The following SNAP25 variants were observed in gnomAD, a reference collection of about 807,000 sequenced individuals.
SNAP25 encodes synaptosome associated protein 25.
SNAP25 carries 3 observed loss-of-function variants against 28.7 expected under a neutral mutation model. The ratio of observed to expected loss-of-function variants is 0.10; its 90% CI spans 0.05 to 0.27. The LOEUF (loss-of-function observed/expected upper bound fraction) is 0.27. SNAP25 is among the 10% of genes least tolerant of loss of function. The pLI, the probability that SNAP25 is intolerant of heterozygous loss-of-function variation, is 1.00. For synonymous variants in SNAP25, 61 were observed against 88.1 expected (o/e 0.69, Z 1.72); for missense variants, 117 against 278.7 (o/e 0.42, Z 4.13).
At chr20:10,237,105 G>C (rs1361475723) in intron 1 of SNAP25, among the ~76,000 whole-genome samples, 1 of 152,088 alleles carries the variant, frequency 6.6e-6, no homozygotes, top group Non-Finnish European at 1.5e-5. Flanking sequence ...GTGATCCTAG[G>C]AAGCGCTGAT....
At chr20:10,234,873 GTAAAA>G (rs2062889629) in intron 1 of SNAP25, among the ~76,000 whole-genome samples, 1 of 152,130 alleles carries the variant, frequency 6.6e-6, no homozygotes, top group Admixed American at 6.5e-5. Context: ...TTTTTAATGT[GTAAAA>G]TAAAATAACA....
At chr20:10,251,240 A>C (rs1342795793) in intron 1 of SNAP25, among the ~76,000 whole-genome samples, 1 of 152,194 alleles carries the variant, frequency 6.6e-6, no homozygotes, top group East Asian at 1.9e-4. Context: ...TTTTGTCTCC[A>C]GGAGAATTTG....
chr20:10,267,839 C>T (rs1568602918), intron 1 of SNAP25, among the ~76,000 whole-genome samples: 4 of 152,150 alleles, frequency 2.6e-5, no homozygotes, highest in Non-Finnish European at 4.4e-5. Context: ...CATAAGCCAC[C>T]GTGCCCGGCC....
chr20:10,271,554 C>T (rs573786366), intron 1 of SNAP25, among the ~76,000 whole-genome samples: 13 of 152,348 alleles, frequency 8.5e-5, no homozygotes, highest in South Asian at 4.1e-4. Flanking sequence ...CCAAGGGTAT[C>T]TGCCACATGG....
rs114372722 is a variant in SNAP25 at position 10,247,923 on chromosome 20, C to T, written c.-63-27506C>T. On this transcript the variant is annotated intron_variant, in intron 1 of 7. Coordinates refer to ENST00000254976, the MANE Select transcript of SNAP25 (RefSeq NM_130811.4). ...GTTTGGGCTGAGTTCAGCTGGACTC[C>T]CTTTGTAGTCTGTTGCTGGATCAGC... Among the ~76,000 whole-genome samples the T allele has an allele frequency of 2.6e-3, 402 of 152,238 alleles. 3 individuals are homozygous for T. Among genetic ancestry groups the T allele is most frequent in the African/African-American group, 8.7e-3 (361 of 41,552 alleles).
chr20:10,274,920 G>A (rs1156287335), intron 1 of SNAP25, among the ~76,000 whole-genome samples: 2 of 152,010 alleles, frequency 1.3e-5, no homozygotes, highest in Admixed American at 6.5e-5. Context: ...CCAGTGGGTG[G>A]GTAGGAAATT....
chr20:10,289,985 C>A (rs768047813), intron 4 of SNAP25, among the ~76,000 whole-genome samples: 1 of 151,798 alleles, frequency 6.6e-6, no homozygotes, highest in South Asian at 2.1e-4. Context: ...CTGAAGACCC[C>A]CTCCCTACTC....
chr20:10,224,277 T>TTTTTTTTTTTTTTTTTG, intron 1 of SNAP25, among the ~76,000 whole-genome samples: 1 of 134,790 alleles, frequency 7.4e-6, no homozygotes, highest in Non-Finnish European at 1.6e-5. Flanking sequence ...TTTTTTTTTT[T>TTTTTTTTTTTTTTTTTG]TTTTTTTTTT....
At position 10,228,941 on chromosome 20, in the gene SNAP25, G is replaced by A. The variant is rs78500137; in HGVS notation, c.-64+9964G>A. Among the ~76,000 whole-genome samples the A allele has an allele frequency of 9.8e-3, 1,495 of 152,244 alleles. 18 individuals carry two copies. The highest frequency in any genetic ancestry group is 0.034 in the African/African-American group (1,415 of 41,548). On this transcript the variant is annotated intron_variant, in intron 1 of 7. Transcript: ENST00000254976. Reference sequence around the variant, plus strand: ...CATGCATAATAAAATGGGGAAATATGTCAACAGCCTTTGATTTTTCTATTT... The same window carrying A: ...CATGCATAATAAAATGGGGAAATATATCAACAGCCTTTGATTTTTCTATTT...
intron 1 of SNAP25, among the ~76,000 whole-genome samples, chr20:10,256,264 G>A (rs1346074183): frequency 6.6e-6 from 1 of 152,152 alleles, no homozygotes; most frequent in Admixed American, 6.5e-5. Context: ...CCGCTATTAC[G>A]AAGGACCATT....
intron 1 of SNAP25, among the ~76,000 whole-genome samples, chr20:10,220,724 A>G (rs531241499): frequency 5.3e-5 from 8 of 152,358 alleles, no homozygotes; most frequent in African/African-American, 1.9e-4. Flanking sequence ...TAACAGCGTC[A>G]TATGTAATAA....
intron 4 of SNAP25, 35 bp downstream of exon 4, chr20:10,284,807 C>T (rs941560533): frequency 2.1e-5 from 32 of 1,542,708 alleles, no homozygotes; most frequent in Non-Finnish European, 5.4e-6. Context: ...AACAATTCCT[C>T]TTCTGAATAA....
At chr20:10,223,705 T>C (rs1002117689) in intron 1 of SNAP25, among the ~76,000 whole-genome samples, 9 of 152,104 alleles carry the variant, frequency 5.9e-5, no homozygotes, top group South Asian at 2.1e-4. Flanking sequence ...AAAGACTTCA[T>C]AGAAATTTCT....
intron 1 of SNAP25, among the ~76,000 whole-genome samples, chr20:10,270,788 C>A (rs2063580317): frequency 6.6e-6 from 1 of 152,078 alleles, no homozygotes; most frequent in African/African-American, 2.4e-5. Flanking sequence ...GCCCAGCAAT[C>A]CATTTTAACA....
intron 5 of SNAP25, among the ~76,000 whole-genome samples, chr20:10,294,928 C>G (rs1282048231): frequency 4.6e-5 from 7 of 152,182 alleles, no homozygotes; most frequent in Non-Finnish European, 1.0e-4. Flanking sequence ...CATTTTCCCC[C>G]CTTCATCAAC....
intron 5 of SNAP25, among the ~76,000 whole-genome samples, chr20:10,294,038 T>C (rs1281102891): frequency 6.6e-6 from 1 of 152,176 alleles, no homozygotes; most frequent in Non-Finnish European, 1.5e-5. Flanking sequence ...TTATAAAGGT[T>C]TGCAATGGAA....
At chr20:10,261,955 A>C (rs2063420612) in intron 1 of SNAP25, among the ~76,000 whole-genome samples, 1 of 152,188 alleles carries the variant, frequency 6.6e-6, no homozygotes, top group African/African-American at 2.4e-5. Flanking sequence ...AAAATAACAC[A>C]AAGTGCCAAA....
chr20:10,249,184 C>T (rs1318551314), intron 1 of SNAP25, among the ~76,000 whole-genome samples: 1 of 152,244 alleles, frequency 6.6e-6, no homozygotes, highest in East Asian at 1.9e-4. Context: ...GATGCAGCCT[C>T]TCTGAGAGCC....
intron 1 of SNAP25, among the ~76,000 whole-genome samples, chr20:10,235,522 A>G (rs1369812274): frequency 2.0e-5 from 3 of 152,210 alleles, no homozygotes; most frequent in South Asian, 2.1e-4. Context: ...GGTGGGATGG[A>G]AGAAAACTAG....
Sources: allele counts gnomAD v4.1 joint callset (sites outside exome capture counted in the v4.1 genomes callset), GRCh38; gene constraint gnomAD v4.1.1; transcripts MANE v1.5; gene names NCBI Gene and HGNC (gene_info 2026-07-23, HGNC 2026-07-21).